The following ACSL6 variants were observed in gnomAD, a reference collection of about 807,000 sequenced individuals.
ACSL6 encodes the protein long-chain-fatty-acid--CoA ligase 6.
A neutral mutation model predicts 98.2 loss-of-function variants in ACSL6; 47 were observed. The ratio of observed to expected loss-of-function variants is 0.48; its 90% CI spans 0.38 to 0.61. The LOEUF is 0.61. Ranked by LOEUF, ACSL6 falls within the 20% of genes least tolerant of loss-of-function variation. ACSL6 has a pLI of 0.00. For missense variants in ACSL6, 761 were observed against 913.4 expected (o/e 0.83, Z 2.15); for synonymous variants, 362 against 336.9 (o/e 1.07, Z -0.82).
intron 17 of ACSL6, among the ~76,000 whole-genome samples, chr5:131,964,852 C>G (rs1175615762): frequency 6.6e-6 from 1 of 152,212 alleles, no homozygotes; most frequent in Admixed American, 6.5e-5. Context: ...CTATCACGCC[C>G]TGATTGTCCT....
intron 17 of ACSL6, among the ~76,000 whole-genome samples, chr5:131,963,603 G>A (rs575876809): frequency 3.4e-4 from 52 of 152,272 alleles, no homozygotes; most frequent in African/African-American, 1.2e-3. Flanking sequence ...ACCTGGAGAT[G>A]ACCTTGTTGT....
chr5:131,991,442 C>T (rs542326820), intron 2 of ACSL6, among the ~76,000 whole-genome samples: 21 of 152,284 alleles, frequency 1.4e-4, no homozygotes, highest in African/African-American at 3.6e-4. Context: ...AAGAAGGCTG[C>T]CACCCATCAT....
At chr5:131,994,273 T>C (rs747744234) in intron 1 of ACSL6, 22 bp from the exon 2 acceptor site, 22 of 1,586,168 alleles carry the variant, frequency 1.4e-5, no homozygotes, top group Middle Eastern at 1.7e-4. Context: ...AAGAGTCAGA[T>C]AAGGCAAGAG....
intron 4 of ACSL6, among the ~76,000 whole-genome samples, chr5:131,989,766 TG>T: frequency 6.6e-6 from 1 of 152,180 alleles, no homozygotes; most frequent in African/African-American, 2.4e-5. Flanking sequence ...GCTAATTTTT[TG>T]TATTTTAGTA....
chr5:131,965,594 C>T (rs1189686561), intron 17 of ACSL6, among the ~76,000 whole-genome samples: 1 of 152,054 alleles, frequency 6.6e-6, no homozygotes, highest in Non-Finnish European at 1.5e-5. Context: ...GGATGGCGGG[C>T]ACCTGTAGTC....
chr5:131,971,526 AG>A (rs1403432812), intron 14 of ACSL6, 23 bp downstream of exon 14: 4 of 1,572,216 alleles, frequency 2.5e-6, no homozygotes, highest in African/African-American at 1.4e-5. Context: ...GCTGTTTCCA[AG>A]GGAGGACACA....
Position 131,988,036 on chromosome 5 carries a change from G to A in ACSL6, c.831+12C>T. Reference sequence around the variant, plus strand: ...CAGTAGCCCAGCAAACCGCCCAGAAGCAGACCCTCACCTCCACGGCCTGCA... The same window carrying A: ...CAGTAGCCCAGCAAACCGCCCAGAAACAGACCCTCACCTCCACGGCCTGCA... On this transcript the variant is annotated intron_variant, in intron 7 of 20. Coordinates refer to ENST00000651883, the MANE Select transcript of ACSL6 (RefSeq NM_001009185.3). 1 of 1,612,012 alleles carries A rather than the reference G, an allele frequency of 6.2e-7. No individual in the cohort carries two copies. The highest frequency in any genetic ancestry group is 8.5e-7 in the Non-Finnish European group (1 of 1,178,570).
At chr5:131,975,260 C>A in intron 10 of ACSL6, 3 of 1,252,258 alleles carry the variant, frequency 2.4e-6, no homozygotes, top group Non-Finnish European at 3.0e-6. Flanking sequence ...TCTGCAGAAG[C>A]AAAGAGCCAA....
At chr5:131,969,384 G>A (rs1753180372) in intron 15 of ACSL6, among the ~76,000 whole-genome samples, 1 of 151,570 alleles carries the variant, frequency 6.6e-6, no homozygotes, top group Non-Finnish European at 1.5e-5. Context: ...AACCTATTTT[G>A]TAAATAAGTT....
chr5:131,997,592 G>A lies in ACSL6; in HGVS notation c.50-3341C>T, dbSNP rs77833770. On this transcript the variant is annotated intron_variant, in intron 1 of 20. Coordinates refer to ENST00000651883, the MANE Select transcript of ACSL6 (RefSeq NM_001009185.3). ...TTGGGCCAGTCATTTGCTATCTTTC[G>A]CCATGGACATGGGTGGGCTTCTTCC... is the stretch of plus-strand genomic sequence containing the variant. Among the ~76,000 whole-genome samples, 1,090 of 152,316 alleles carry A rather than the reference G, an allele frequency of 7.2e-3. 14 individuals carry two copies. Among genetic ancestry groups the A allele is most frequent in the African/African-American group, 0.023 (939 of 41,576 alleles).
chr5:131,988,619 T>A, intron 6 of ACSL6, 186 bp downstream of exon 6: 3 of 1,613,102 alleles, frequency 1.9e-6, no homozygotes, highest in Non-Finnish European at 2.5e-6. Context: ...GGAACCTTCG[T>A]GTGAAGTCTG....
At chr5:131,978,109 T>A (rs995084277) in intron 9 of ACSL6, among the ~76,000 whole-genome samples, 15 of 152,162 alleles carry the variant, frequency 9.9e-5, no homozygotes, top group African/African-American at 3.6e-4. Flanking sequence ...ACCAAATTAA[T>A]CCCAGGGAAT....
At chr5:131,978,327 G>C (rs1172323661) in intron 9 of ACSL6, among the ~76,000 whole-genome samples, 2 of 152,216 alleles carry the variant, frequency 1.3e-5, no homozygotes, top group East Asian at 3.9e-4. Flanking sequence ...TAAATCAAGA[G>C]TGCTCATGAA....
rs1185341852 is a variant in ACSL6, at chr5:131,990,964, T to C, written c.274A>G (p.Ser92Gly). The change falls in exon 3 of 21, where the codon AGT becomes GGT. Residue 92 changes from serine (S) to glycine (G), a missense_variant. Physicochemically the swap from Ser to Gly is moderately conservative, Grantham distance 56 (BLOSUM62 0). Coordinates refer to ENST00000651883, the MANE Select transcript of ACSL6 (RefSeq NM_001009185.3). ...LLMQSEEVED[S>G]GGARRSVIGS... ...ATCACAGATCGCCGTGCCCCGCCAC[T>C]GTCCTACAAGCCAAGCACCGGCCAG... The C allele has an allele frequency of 3.1e-6, 5 of 1,613,794 alleles. No individual in the cohort carries two copies. The highest frequency in any genetic ancestry group is 2.5e-6 in the Non-Finnish European group (3 of 1,179,962).
rs763411459 is a variant in ACSL6, at chr5:131,960,572, C to T, written c.1907G>A (p.Trp636Ter). The T allele has an allele frequency of 1.9e-5, 31 of 1,614,092 alleles. No homozygotes were observed. The highest frequency in any genetic ancestry group is 2.6e-5 in the Non-Finnish European group (31 of 1,180,014). Reference protein sequence around the residue: ...VVPDPEVMPSWAQKRGIEGTY... With the variant: ...VVPDPEVMPS ...TCCTTCAATTCCTCTCTTCTGGGCCCAGGAGGGCATAACTTCAGGGTCAGG... is the reference window on the plus strand; with the variant it reads ...TCCTTCAATTCCTCTCTTCTGGGCCTAGGAGGGCATAACTTCAGGGTCAGG... Residue 636 changes from tryptophan (W) to a stop codon, truncating the protein, a stop_gained, in exon 19 of 21, where the codon TGG becomes TAG. Coordinates refer to ENST00000651883, the MANE Select transcript of ACSL6 (RefSeq NM_001009185.3). LOFTEE classifies it high-confidence loss of function.
At position 131,990,938 on chromosome 5, in the gene ACSL6, A is replaced by T. The variant is rs1754474036; in HGVS notation, c.300T>A (p.Ile100=). 1 of 1,613,966 alleles carries T rather than the reference A, an allele frequency of 6.2e-7. No individual in the cohort carries two copies. Among genetic ancestry groups the T allele is most frequent in the Admixed American group, 1.7e-5 (1 of 60,002 alleles). ...GGGTAAGTAGCTGAGGGCCAGACCC[A>T]ATCACAGATCGCCGTGCCCCGCCAC... is the stretch of plus-strand genomic sequence containing the variant. ...EDSGGARRSV[I]GSGPQLLTHY... The change falls in exon 3 of 21, where the codon ATT becomes ATA. Residue 100 remains isoleucine (I), a synonymous_variant. Coordinates refer to ENST00000651883, the MANE Select transcript of ACSL6 (RefSeq NM_001009185.3).
Position 131,974,875 on chromosome 5 carries a change from G to T in ACSL6, c.1068+18C>A. ...AAGGAGCCCAGGCAAGGCCCGGTCA[G>T]TCAGGTGGGTGTCTTACCTGGATTA... On this transcript the variant is annotated intron_variant, in intron 11 of 20. Coordinates refer to ENST00000651883, the MANE Select transcript of ACSL6 (RefSeq NM_001009185.3). 2 of 1,614,146 alleles carry T rather than the reference G, an allele frequency of 1.2e-6. No individual in the cohort carries two copies. The highest frequency in any genetic ancestry group is 1.7e-6 in the Non-Finnish European group (2 of 1,180,012).
chr5:132,001,899 A>G (rs1171777624), intron 1 of ACSL6: 2 of 152,148 alleles, frequency 1.3e-5, no homozygotes, highest in East Asian at 3.9e-4. Flanking sequence ...GGAACTTTAA[A>G]ATATGAATAG....
rs755156562 is a variant in ACSL6, at chr5:131,988,869, G to A, written c.588C>T (p.Ser196=). Reference sequence around the variant, plus strand: ...TGTCATAGAGCGGGACCACCACCATGGAATATGTGTAGCAGGCCAGCTCCA... The same window carrying A: ...TGTCATAGAGCGGGACCACCACCATAGAATATGTGTAGCAGGCCAGCTCCA... ...IIVELACYTY[S]MVVVPLYDTL... The change falls in exon 6 of 21, where the codon TCC becomes TCT. Residue 196 remains serine (S), a synonymous_variant. Transcript: ENST00000651883. The A allele has an allele frequency of 2.1e-5, 34 of 1,613,770 alleles. No individual in the cohort carries two copies. In the Middle Eastern group the frequency reaches 1.3e-3, roughly 62 times the overall value.
Sources: gnomAD v4.1 joint callset for allele counts (sites outside exome capture counted in the v4.1 genomes callset) on GRCh38, gnomAD v4.1.1 for gene constraint, MANE v1.5 for transcripts, NCBI Gene and HGNC (gene_info 2026-07-23, HGNC 2026-07-21) for gene names.